SAGE1: variants seen among roughly 807,000 people sequenced by gnomAD.
The protein encoded by SAGE1 is sarcoma antigen 1, also known as cancer/testis antigen 14.
SAGE1 carries 55 observed loss-of-function variants against 55.4 expected under a neutral mutation model. That is an observed-to-expected ratio of 0.99 (90% CI 0.80 to 1.24). The LOEUF (loss-of-function observed/expected upper bound fraction) is 1.24. Ranked by LOEUF, SAGE1 falls within the 50% of genes most tolerant of loss-of-function variation. The pLI is 0.00. For synonymous variants in SAGE1, 240 were observed against 244.3 expected (o/e 0.98, Z 0.17); for missense variants, 710 against 704.4 (o/e 1.01, Z -0.09).
Position 135,906,109 on chromosome X carries a change from A to G in SAGE1, c.540A>G (p.Thr180=). 2.5e-6 allele frequency: 3 copies of G among 1,208,365 alleles called. No individual in the cohort carries two copies. The highest frequency in any genetic ancestry group is 3.4e-6 in the Non-Finnish European group (3 of 892,702). The part of the protein sequence containing the change: ...QPDNVLSTGP[T]GLINMAATPI... Reference sequence around the variant, plus strand: ...ATAACGTCTTGTCAACTGGTCCCACAGGGCTTATTAATATGGCAGCAACTC... The same window carrying G: ...ATAACGTCTTGTCAACTGGTCCCACGGGGCTTATTAATATGGCAGCAACTC... Residue 180 remains threonine, a synonymous_variant, in exon 6 of 20, where the codon ACA becomes ACG. Transcript: ENST00000370709.
chrX:135,896,707 C>T (rs1430608345), intron 2 of SAGE1, among the ~76,000 whole-genome samples: 33 of 108,840 alleles, frequency 3.0e-4, no homozygotes, highest in Non-Finnish European at 1.1e-4. Context: ...TACAGGCATG[C>T]GCCACCACAC....
At chrX:135,909,136 C>G in intron 13 of SAGE1, 132 bp downstream of exon 13, 1 of 541,686 alleles carries the variant, frequency 1.8e-6, no homozygotes. Flanking sequence ...GTCCACATGG[C>G]ATATCCTCCC....
intron 13 of SAGE1, among the ~76,000 whole-genome samples, 180 bp downstream of exon 13, chrX:135,909,184 G>GAGGAATAT (rs1423385730): frequency 1.8e-5 from 2 of 111,789 alleles, no homozygotes; most frequent in East Asian, 5.6e-4. Context: ...CTGGGTATCA[G>GAGGAATAT]AGGAATATAT....
At chrX:135,909,490 G>T in intron 13 of SAGE1, 149 bp from the exon 14 acceptor site, 2 of 560,223 alleles carry the variant, frequency 3.6e-6, no homozygotes, top group Non-Finnish European at 5.6e-6. Context: ...ATCGTTTCTG[G>T]ACTAAATTTG....
At chrX:135,910,260 C>T (rs1176172134) in intron 15 of SAGE1, 90 bp downstream of exon 15, 4 of 1,041,645 alleles carry the variant, frequency 3.8e-6, no homozygotes, top group African/African-American at 3.8e-5. Context: ...GTTGTATTAC[C>T]TTTTCAGGCC....
In SAGE1 at chrX:135,911,335, ATG is replaced by A; in HGVS notation, c.2146+5_2146+6del. The stretch of plus-strand genomic sequence containing the variant: ...ATGCAGAAGTACCAGGGATCTGTGT[ATG>A]TTTGTGTATTGGTTGTACTGTCCTA... On this transcript the variant is annotated splice_donor_5th_base_variant and intron_variant, in intron 17 of 19. Transcript: ENST00000370709. 1.7e-6 allele frequency: 2 copies of A among 1,204,327 alleles called. No homozygotes were observed. Among genetic ancestry groups the A allele is most frequent in the Non-Finnish European group, 2.2e-6 (2 of 890,220 alleles).
At chrX:135,905,533 C>T in intron 5 of SAGE1, 141 bp downstream of exon 5, 1 of 524,082 alleles carries the variant, frequency 1.9e-6, no homozygotes, top group Non-Finnish European at 3.1e-6. Context: ...GGCAAATCCT[C>T]CCCTGATTTC....
rs781845138 is a variant in SAGE1, at chrX:135,896,179, C to T, written c.1-64C>T. The stretch of plus-strand genomic sequence containing the variant: ...ATAGCGCCAATTTATGTGCCAGTTA[C>T]GTTCCAGTTATAAATCAAAGTGTTC... On this transcript the variant is annotated intron_variant, in intron 1 of 19. Coordinates refer to ENST00000370709, the MANE Select transcript of SAGE1 (RefSeq NM_001381902.1). 44 of 795,834 alleles carry T rather than the reference C, an allele frequency of 5.5e-5. No homozygotes were observed. In the East Asian group the frequency reaches 6.6e-4, roughly 12 times the overall value. 65.6% of individuals were successfully genotyped at this position (795,834 alleles called of 1,213,427 possible).
chrX:135,911,744 G>A lies in SAGE1; in HGVS notation c.2312G>A (p.Ser771Asn). 8.3e-7 allele frequency: 1 copy of A among 1,211,227 alleles called. No homozygotes were observed. Residue 771 changes from serine (S) to asparagine (N), a missense_variant, in exon 18 of 20, where the codon AGC (serine) becomes AAC (asparagine). Coordinates refer to ENST00000370709, the MANE Select transcript of SAGE1 (RefSeq NM_001381902.1). ...DSFSHDFTSLSKDELLYKPDS... is the reference protein window; with the variant it reads ...DSFSHDFTSLNKDELLYKPDS... The stretch of plus-strand genomic sequence containing the variant: ...TTCTCTCACGACTTCACAAGTCTCA[G>A]CAAAGATGAGCTGCTTTACAAACCT...
At chrX:135,905,641 G>A (rs1266934739) in intron 5 of SAGE1, among the ~76,000 whole-genome samples, 1 of 111,445 alleles carries the variant, frequency 9.0e-6, no homozygotes, top group Non-Finnish European at 1.9e-5. Context: ...TTGTTTTCCA[G>A]ATTCAACTGT....
chrX:135,902,302 C>T (rs1423199470), intron 3 of SAGE1, among the ~76,000 whole-genome samples: 1 of 111,962 alleles, frequency 8.9e-6, no homozygotes, highest in Non-Finnish European at 1.9e-5. Context: ...TACACTACAA[C>T]TTGCTCCTGA....
intron 9 of SAGE1, 52 bp from the exon 10 acceptor site, chrX:135,907,649 G>T: frequency 5.1e-6 from 6 of 1,174,344 alleles, no homozygotes; most frequent in Non-Finnish European, 6.9e-6. Context: ...ATACCTGTAG[G>T]GCTGACATAA....
At chrX:135,904,393 A>G in intron 3 of SAGE1, 84 bp from the exon 4 acceptor site, 1 of 566,315 alleles carries the variant, frequency 1.8e-6, no homozygotes, top group Admixed American at 2.8e-5. Flanking sequence ...ATAATTTCCT[A>G]GATACTGAGC....
chrX:135,901,873 ATGG>A (rs2088685527), intron 3 of SAGE1, among the ~76,000 whole-genome samples, 182 bp downstream of exon 3: 1 of 111,856 alleles, frequency 8.9e-6, no homozygotes, highest in South Asian at 3.8e-4. Flanking sequence ...GCAGAAGGAG[ATGG>A]TGGGCTCAAC....
At chrX:135,894,905 T>G (rs2148071057) in intron 1 of SAGE1, among the ~76,000 whole-genome samples, 1 of 111,331 alleles carries the variant, frequency 9.0e-6, no homozygotes, top group South Asian at 3.8e-4. Context: ...AAGTCTAGTT[T>G]GTGGGAAGCT....
chrX:135,904,579 C>T lies in SAGE1; in HGVS notation c.313+10C>T. The T allele has an allele frequency of 9.2e-6, 10 of 1,091,941 alleles. No individual in the cohort carries two copies. The highest frequency in any genetic ancestry group is 1.3e-5 in the Non-Finnish European group (10 of 791,675). The allele number at this position is 1,091,941 out of a possible 1,213,427, so 90.0% of individuals were successfully genotyped here. On this transcript the variant is annotated intron_variant, in intron 4 of 19. Coordinates refer to ENST00000370709, the MANE Select transcript of SAGE1 (RefSeq NM_001381902.1). ...GCTCCACCATGGCCTGGTAATATGG[C>T]AGCAGCAGGAATTTCATCCATGAGT...
intron 1 of SAGE1, among the ~76,000 whole-genome samples, chrX:135,895,191 A>T (rs373837479): frequency 1.8e-5 from 2 of 111,838 alleles, no homozygotes; most frequent in East Asian, 2.8e-4. Flanking sequence ...TGGAAAAGTG[A>T]CAGAACCTAG....
chrX:135,903,160 A>G (rs1556597954), intron 3 of SAGE1, among the ~76,000 whole-genome samples: 1 of 111,423 alleles, frequency 9.0e-6, no homozygotes, highest in Non-Finnish European at 1.9e-5. Flanking sequence ...TGCCCGGTCC[A>G]TCCCCACTCC....
At chrX:135,894,135 A>T (rs1399159630) in intron 1 of SAGE1, among the ~76,000 whole-genome samples, 1 of 111,705 alleles carries the variant, frequency 9.0e-6, no homozygotes, top group Non-Finnish European at 1.9e-5. Context: ...GTGCAATGGC[A>T]TGATCTTGGC....
Sources: allele counts gnomAD v4.1 joint callset (sites outside exome capture counted in the v4.1 genomes callset), GRCh38; gene constraint gnomAD v4.1.1; transcripts MANE v1.5; gene names NCBI Gene and HGNC (gene_info 2026-07-23, HGNC 2026-07-21).